NAA11: variants seen among roughly 807,000 people sequenced by gnomAD.
NAA11 encodes the protein N-alpha-acetyltransferase 11.
A neutral mutation model predicts 16.1 loss-of-function variants in NAA11; 15 were observed. The ratio of observed to expected loss-of-function variants is 0.93; its 90% confidence interval spans 0.62 to 1.44. The LOEUF (loss-of-function observed/expected upper bound fraction) is 1.44, where lower values mean the gene tolerates loss of function less well. Among genes scored for constraint, NAA11 ranks in the 40% most tolerant of loss-of-function variants. The probability of loss-of-function intolerance (pLI) is 0.00; values close to 1 mark genes in which losing one functional copy is unlikely to be tolerated. For missense variants in NAA11, 298 were observed against 291.3 expected, an observed-to-expected ratio of 1.02 and a Z score of -0.17; for synonymous variants, 122 against 112.4, an observed-to-expected ratio of 1.09 and a Z score of -0.54.
chr4:79,309,974 CA>C (rs571995486), intron 1 of NAA11, among the ~76,000 whole-genome samples: 2 of 152,120 alleles, frequency 1.3e-5, no homozygotes, highest in Non-Finnish European at 2.9e-5. Context: ...CTCAGCCTCC[CA>C]AAGTGCTGGG....
chr4:79,238,892 G>A (rs1721630235), intron 2 of NAA11, among the ~76,000 whole-genome samples: 2 of 152,296 alleles, frequency 1.3e-5, no homozygotes, highest in South Asian at 4.1e-4. Context: ...TAATGTCACT[G>A]CAATTCTGAG....
At chr4:79,201,946 T>G in the NAA11 span, among the ~76,000 whole-genome samples, 1 of 151,724 alleles carries the variant, frequency 6.6e-6, no homozygotes, top group Admixed American at 6.6e-5. Flanking sequence ...TTGTACATAT[T>G]GTGGGGTACA....
At chr4:79,310,232 T>G (rs561810164) in intron 1 of NAA11, among the ~76,000 whole-genome samples, 1 of 152,292 alleles carries the variant, frequency 6.6e-6, no homozygotes, top group South Asian at 2.1e-4. Flanking sequence ...AAAAATAATA[T>G]TCAAACATAA....
chr4:79,286,511 A>G (rs1398190468), intron 2 of NAA11, among the ~76,000 whole-genome samples: 1 of 152,120 alleles, frequency 6.6e-6, no homozygotes, highest in East Asian at 1.9e-4. Context: ...TCATGAATGT[A>G]ATTTTTAATA....
At chr4:79,308,860 T>C (rs1336700936) in intron 1 of NAA11, 4 of 152,016 alleles carry the variant, frequency 2.6e-5, no homozygotes. Context: ...TAGACTGAGT[T>C]TTTTTTTAAG....
chr4:79,167,268 TATAGAGAGAG>T, the NAA11 span, among the ~76,000 whole-genome samples: 32 of 115,898 alleles, frequency 2.8e-4, no homozygotes, highest in Non-Finnish European at 4.4e-4. Context: ...TATATATATA[TATAGAGAGAG>T]AGAGAGAGAG....
chr4:79,303,081 T>G (rs533014767), intron 1 of NAA11, among the ~76,000 whole-genome samples: 67 of 15,764 alleles, frequency 4.3e-3, no homozygotes, highest in African/African-American at 0.014. Flanking sequence ...GCCTTTTATA[T>G]ATATATATAT....
chr4:79,248,570 G>A (rs1308276158), intron 2 of NAA11, among the ~76,000 whole-genome samples: 1 of 152,078 alleles, frequency 6.6e-6, no homozygotes, highest in Admixed American at 6.5e-5. Flanking sequence ...GTGACCTCTA[G>A]CACCACTTTC....
chr4:79,219,675 C>A, the NAA11 span, among the ~76,000 whole-genome samples: 2 of 152,098 alleles, frequency 1.3e-5, no homozygotes, highest in African/African-American at 4.8e-5. Context: ...TATATACCTC[C>A]ATTTCACATT....
chr4:79,179,387 G>A, the NAA11 span, among the ~76,000 whole-genome samples: 1 of 152,048 alleles, frequency 6.6e-6, no homozygotes, highest in East Asian at 1.9e-4. Context: ...TTAAGGCAGT[G>A]ATCCAAGAAG....
chr4:79,294,346 G>A (rs1198305444), intron 1 of NAA11, among the ~76,000 whole-genome samples: 2 of 152,110 alleles, frequency 1.3e-5, no homozygotes, highest in Non-Finnish European at 2.9e-5. Flanking sequence ...ATCTAGCTGC[G>A]AAAACTAGAT....
the NAA11 span, among the ~76,000 whole-genome samples, chr4:79,196,979 A>AAAAAAAAAAAAAAAAAAG: frequency 1.3e-4 from 16 of 125,544 alleles, no homozygotes; most frequent in African/African-American, 2.4e-4. Flanking sequence ...AAAAAAAAAA[A>AAAAAAAAAAAAAAAAAAG]AAAGAAAGAA....
the NAA11 span, among the ~76,000 whole-genome samples, chr4:79,166,782 T>C: frequency 6.7e-6 from 1 of 148,760 alleles, no homozygotes; most frequent in African/African-American, 2.5e-5. Flanking sequence ...GGCAGGAGAA[T>C]TGCTGCAACC....
intron 1 of NAA11, among the ~76,000 whole-genome samples, chr4:79,318,166 C>G (rs995160030): frequency 1.3e-5 from 2 of 152,192 alleles, no homozygotes; most frequent in African/African-American, 4.8e-5. Context: ...TCTATCTCAT[C>G]CTACTCCACT....
intron 1 of NAA11, among the ~76,000 whole-genome samples, chr4:79,303,071 GCCT>G (rs1560462710): frequency 1.5e-3 from 132 of 86,566 alleles, no homozygotes; most frequent in African/African-American, 6.2e-3. Context: ...TTCTCTTGAG[GCCT>G]TTTATATATA....
chr4:79,198,646 G>C, the NAA11 span, among the ~76,000 whole-genome samples: 4 of 151,820 alleles, frequency 2.6e-5, no homozygotes, highest in Non-Finnish European at 5.9e-5. Flanking sequence ...TCCTTCTAGA[G>C]AGAACAGCGA....
chr4:79,297,152 G>A (rs892481475), intron 1 of NAA11, among the ~76,000 whole-genome samples: 3 of 152,174 alleles, frequency 2.0e-5, no homozygotes, highest in Admixed American at 1.3e-4. Context: ...GCCTGCCACC[G>A]TTGTGGGGAG....
intron 2 of NAA11, among the ~76,000 whole-genome samples, chr4:79,237,843 AT>A (rs1388737169): frequency 6.6e-6 from 1 of 152,194 alleles, no homozygotes; most frequent in African/African-American, 2.4e-5. Flanking sequence ...TGATCCCGTA[AT>A]TTGTATTATT....
At chr4:79,230,026 C>A (rs1721419673) in intron 2 of NAA11, among the ~76,000 whole-genome samples, 1 of 151,892 alleles carries the variant, frequency 6.6e-6, no homozygotes, top group Non-Finnish European at 1.5e-5. Flanking sequence ...ATGATGATTT[C>A]CAATTTCATC....
Sources: gnomAD v4.1 joint callset for allele counts (sites outside exome capture counted in the v4.1 genomes callset) on GRCh38, gnomAD v4.1.1 for gene constraint, MANE v1.5 for transcripts, NCBI Gene and HGNC (gene_info 2026-07-23, HGNC 2026-07-21) for gene names.